Variants in GRID2 observed in about 807,000 individuals in gnomAD.
The protein encoded by GRID2 is glutamate ionotropic receptor delta type subunit 2.
In GRID2, 33 loss-of-function variants were observed where a neutral mutation model predicts 114.8. The ratio of observed to expected loss-of-function variants is 0.29; its 90% CI spans 0.22 to 0.38. GRID2 has a LOEUF of 0.38. Among genes scored for constraint, GRID2 ranks in the 10% least tolerant of loss-of-function variants. GRID2 has a pLI of 1.00. For missense variants in GRID2, 1,184 were observed against 1,257.7 expected (o/e 0.94, Z 0.89); for synonymous variants, 505 against 449.9 (o/e 1.12, Z -1.55).
chr4:92,643,963 A>G (rs906706292), intron 2 of GRID2, among the ~76,000 whole-genome samples: 2 of 151,782 alleles, frequency 1.3e-5, no homozygotes, highest in Non-Finnish European at 2.9e-5. Context: ...TACTATACAC[A>G]CATTTATTTA....
chr4:93,387,211 A>T (rs1431426278), intron 8 of GRID2, among the ~76,000 whole-genome samples: 1 of 152,204 alleles, frequency 6.6e-6, no homozygotes, highest in Non-Finnish European at 1.5e-5. Context: ...TATAATATAG[A>T]TGAAAAGTAT....
At chr4:93,431,670 T>C (rs1031975373) in intron 10 of GRID2, among the ~76,000 whole-genome samples, 5 of 152,142 alleles carry the variant, frequency 3.3e-5, no homozygotes, top group Non-Finnish European at 7.3e-5. Flanking sequence ...TTTTCAGAAA[T>C]TTTAGATGGA....
intron 1 of GRID2, among the ~76,000 whole-genome samples, chr4:92,404,666 T>C (rs959370899): frequency 1.6e-4 from 24 of 152,094 alleles, no homozygotes; most frequent in Non-Finnish European, 1.0e-4. Context: ...AAAGAAAATG[T>C]GGTACATACA....
intron 2 of GRID2, among the ~76,000 whole-genome samples, chr4:92,673,037 T>C (rs2149277601): frequency 6.6e-6 from 1 of 152,312 alleles, no homozygotes; most frequent in South Asian, 2.1e-4. Flanking sequence ...ATTTACATTT[T>C]AGCTCCCACA....
intron 2 of GRID2, among the ~76,000 whole-genome samples, chr4:92,681,164 A>G (rs995790944): frequency 6.6e-6 from 1 of 152,198 alleles, no homozygotes; most frequent in Admixed American, 6.5e-5. Context: ...TACATATTCT[A>G]TATATGGATT....
At chr4:93,219,713 T>C (rs1744655813) in intron 6 of GRID2, among the ~76,000 whole-genome samples, 1 of 152,132 alleles carries the variant, frequency 6.6e-6, no homozygotes, top group Admixed American at 6.6e-5. Flanking sequence ...GAAAATGGTG[T>C]TTTTGCAACA....
At chr4:93,623,391 T>G (rs1173839105) in intron 13 of GRID2, among the ~76,000 whole-genome samples, 2 of 152,146 alleles carry the variant, frequency 1.3e-5, no homozygotes, top group Non-Finnish European at 2.9e-5. Context: ...GGTGTTTGGT[T>G]TTCTGTTCCT....
At chr4:93,469,251 G>T (rs1437677480) in intron 11 of GRID2, among the ~76,000 whole-genome samples, 2 of 151,756 alleles carry the variant, frequency 1.3e-5, no homozygotes, top group African/African-American at 4.8e-5. Flanking sequence ...TTTCTTTCTG[G>T]GAAGAATAAA....
At chr4:92,735,811 G>A (rs1163835393) in intron 2 of GRID2, among the ~76,000 whole-genome samples, 1 of 151,886 alleles carries the variant, frequency 6.6e-6, no homozygotes, top group East Asian at 1.9e-4. Flanking sequence ...TCACTTGATA[G>A]TACTTGTTCT....
chr4:92,418,157 A>G (rs887645746), intron 1 of GRID2, among the ~76,000 whole-genome samples: 1 of 152,130 alleles, frequency 6.6e-6, no homozygotes, highest in African/African-American at 2.4e-5. Context: ...GTGTTCATAC[A>G]TGCTTCTCTG....
chr4:93,253,494 T>C (rs1749217034), intron 8 of GRID2, among the ~76,000 whole-genome samples: 1 of 152,094 alleles, frequency 6.6e-6, no homozygotes, highest in Admixed American at 6.6e-5. Flanking sequence ...TAATGTACAG[T>C]TAAAGATTTC....
intron 1 of GRID2, among the ~76,000 whole-genome samples, chr4:93,801,189 C>A (rs1281593262): frequency 6.6e-6 from 1 of 151,954 alleles, no homozygotes; most frequent in African/African-American, 2.4e-5. Flanking sequence ...TTGATTTTCC[C>A]AACCAATTAA....
chr4:92,489,827 T>C (rs1723069433), intron 1 of GRID2, among the ~76,000 whole-genome samples: 2 of 147,130 alleles, frequency 1.4e-5, no homozygotes, highest in South Asian at 4.3e-4. Context: ...GCCTGGGCGA[T>C]AGAGCGAGAC....
intron 8 of GRID2, among the ~76,000 whole-genome samples, chr4:93,335,179 T>C: frequency 6.6e-6 from 1 of 152,322 alleles, no homozygotes; most frequent in East Asian, 1.9e-4. Flanking sequence ...GCAATACCCA[T>C]AATTTAAAAA....
chr4:92,640,132 T>C (rs1243471940), intron 2 of GRID2, among the ~76,000 whole-genome samples: 3 of 151,798 alleles, frequency 2.0e-5, no homozygotes, highest in Non-Finnish European at 2.9e-5. Flanking sequence ...ATATTGTTTT[T>C]CTTTTAATAC....
At chr4:93,115,092 TTGTGTGTGTG>T (rs546827152) in intron 4 of GRID2, among the ~76,000 whole-genome samples, 3 of 142,792 alleles carry the variant, frequency 2.1e-5, no homozygotes, top group Middle Eastern at 3.5e-3. Flanking sequence ...CTGTGTGTGC[TTGTGTGTGTG>T]TGTGTGTGTG....
chr4:93,508,475 A>G (rs764580704), intron 12 of GRID2, among the ~76,000 whole-genome samples: 4 of 152,152 alleles, frequency 2.6e-5, no homozygotes, highest in Non-Finnish European at 5.9e-5. Context: ...GATTACAGGC[A>G]TGAGCCACCA....
At chr4:93,619,032 TA>T (rs201996371) in intron 13 of GRID2, among the ~76,000 whole-genome samples, 1,561 of 152,328 alleles carry the variant, frequency 0.01, 33 homozygotes, top group African/African-American at 0.036. Context: ...TTTTCTAGGT[TA>T]AAAAATTGAT....
At chr4:93,081,328 A>T (rs533256202) in intron 2 of GRID2, among the ~76,000 whole-genome samples, 1 of 152,326 alleles carries the variant, frequency 6.6e-6, no homozygotes, top group African/African-American at 2.4e-5. Context: ...CTCTTTATGC[A>T]TTTTATTTTT....
Sources: allele counts gnomAD v4.1 joint callset (sites outside exome capture counted in the v4.1 genomes callset), GRCh38; gene constraint gnomAD v4.1.1; transcripts MANE v1.5; gene names NCBI Gene and HGNC (gene_info 2026-07-23, HGNC 2026-07-21).